Variants in FAXC observed in about 807,000 individuals in gnomAD.
FAXC encodes the protein failed axon connections homolog.
A neutral mutation model predicts 41.9 loss-of-function variants in FAXC; 10 were observed. The ratio of observed to expected loss-of-function variants is 0.24; its 90% CI spans 0.15 to 0.41. FAXC has a LOEUF of 0.41. Ranked by LOEUF, FAXC falls within the 10% of genes least tolerant of loss-of-function variation. FAXC has a pLI of 1.00. For synonymous variants in FAXC, 183 were observed against 183.8 expected (o/e 1.00, Z 0.03); for missense variants, 399 against 510.9 (o/e 0.78, Z 2.11).
At chr6:99,298,453 C>G (rs1562158715) in intron 4 of FAXC, among the ~76,000 whole-genome samples, 1 of 152,138 alleles carries the variant, frequency 6.6e-6, no homozygotes, top group East Asian at 1.9e-4. Flanking sequence ...ATCCAAGAAT[C>G]TGCATTTCTA....
At position 99,278,908 on chromosome 6, in the gene FAXC, AATC is replaced by A. The variant is rs1333421857; in HGVS notation, c.*2253_*2255del. The stretch of plus-strand genomic sequence containing the variant: ...ATATTAATCTACATTCTCATAACTT[AATC>A]ATCCTTTGAGAGAAAATACATCACA... On this transcript the variant is annotated 3_prime_UTR_variant, in exon 6 of 6. Coordinates refer to ENST00000389677, the MANE Select transcript of FAXC (RefSeq NM_032511.4). The A allele has an allele frequency of 6.6e-6, 1 of 152,234 alleles. No individual in the cohort carries two copies. Among genetic ancestry groups the A allele is most frequent in the Middle Eastern group, 3.2e-3 (1 of 316 alleles). 9.4% of individuals were successfully genotyped at this position (152,234 alleles called of 1,614,324 possible).
intron 4 of FAXC, among the ~76,000 whole-genome samples, chr6:99,306,612 A>G (rs955687339): frequency 3.9e-5 from 6 of 152,170 alleles, no homozygotes; most frequent in African/African-American, 1.4e-4. Flanking sequence ...TCCTGTTAAC[A>G]ACTGATACAT....
chr6:99,301,234 A>C (rs1216370327), intron 4 of FAXC, among the ~76,000 whole-genome samples: 1 of 152,242 alleles, frequency 6.6e-6, no homozygotes, highest in African/African-American at 2.4e-5. Context: ...AAACCTTCTC[A>C]AACCATACAC....
At chr6:99,317,402 C>T (rs549440641) in intron 4 of FAXC, among the ~76,000 whole-genome samples, 1 of 152,296 alleles carries the variant, frequency 6.6e-6, no homozygotes, top group South Asian at 2.1e-4. Context: ...CCTAATCAAA[C>T]GTACTTAAAA....
rs1287836767 is a variant in FAXC at position 99,281,096 on chromosome 6, C to T, written c.*68G>A. ...ATCTCCTCCCAGCTCGGATGGATTGCTACCTGGGAAAATGGACCGACCCAG... is the reference window on the plus strand; with the variant it reads ...ATCTCCTCCCAGCTCGGATGGATTGTTACCTGGGAAAATGGACCGACCCAG... On this transcript the variant is annotated 3_prime_UTR_variant, in exon 6 of 6. Transcript: ENST00000389677. The T allele has an allele frequency of 3.9e-6, 3 of 777,708 alleles. No homozygotes were observed. The highest frequency in any genetic ancestry group is 1.7e-5 in the African/African-American group (1 of 59,090). 48.2% of individuals were successfully genotyped at this position (777,708 alleles called of 1,614,324 possible). A position where few individuals can be genotyped will look rare whatever the true frequency, so the allele number is the denominator to read the frequency against.
intron 4 of FAXC, among the ~76,000 whole-genome samples, chr6:99,300,884 G>A (rs1328566984): frequency 1.3e-5 from 2 of 152,182 alleles, no homozygotes; most frequent in African/African-American, 2.4e-5. Flanking sequence ...TAAGGAACTC[G>A]CCCATCTTTT....
chr6:99,307,013 G>A (rs1771949175), intron 4 of FAXC, among the ~76,000 whole-genome samples: 1 of 152,208 alleles, frequency 6.6e-6, no homozygotes, highest in Admixed American at 6.5e-5. Context: ...CCTGTCCTTT[G>A]TAGTTTAATA....
At chr6:99,318,304 C>CAAAAAAAAA (rs748610778) in intron 4 of FAXC, among the ~76,000 whole-genome samples, 2 of 104,040 alleles carry the variant, frequency 1.9e-5, no homozygotes, top group African/African-American at 6.2e-5. Flanking sequence ...CACACACACA[C>CAAAAAAAAA]ACAAAATAGA....
chr6:99,339,363 T>A, intron 2 of FAXC, among the ~76,000 whole-genome samples: 1 of 152,240 alleles, frequency 6.6e-6, no homozygotes, highest in East Asian at 1.9e-4. Context: ...CCTTTCTTTT[T>A]TTAAACTCCC....
intron 5 of FAXC, among the ~76,000 whole-genome samples, chr6:99,287,469 T>C (rs1771068859): frequency 6.6e-6 from 1 of 152,170 alleles, no homozygotes; most frequent in Non-Finnish European, 1.5e-5. Flanking sequence ...TATGCATACA[T>C]ATGTATATTC....
At chr6:99,283,300 T>A (rs1337491906) in intron 5 of FAXC, among the ~76,000 whole-genome samples, 2 of 152,236 alleles carry the variant, frequency 1.3e-5, no homozygotes, top group Non-Finnish European at 2.9e-5. Flanking sequence ...TGGTGTAACT[T>A]CTTTCAGTAT....
intron 1 of FAXC, among the ~76,000 whole-genome samples, chr6:99,348,827 T>TC (rs1408257944): frequency 6.6e-6 from 1 of 152,248 alleles, no homozygotes; most frequent in African/African-American, 2.4e-5. Context: ...TGCACTTAGA[T>TC]CCTCCTAAGG....
rs1173452913 is a variant in FAXC at position 99,278,479 on chromosome 6, C to A, written c.*2685G>T. ...AGAACTTGAACAAGAAGCCAGATGA[C>A]CAAAATGTCCCTTAACTTCTTATAG... On this transcript the variant is annotated 3_prime_UTR_variant, in exon 6 of 6. Coordinates refer to ENST00000389677, the MANE Select transcript of FAXC (RefSeq NM_032511.4). 4 of 152,200 alleles carry A rather than the reference C, an allele frequency of 2.6e-5. No individual in the cohort carries two copies. The highest frequency in any genetic ancestry group is 5.9e-5 in the Non-Finnish European group (4 of 68,034). The allele number at this position is 152,200 out of a possible 1,614,324, so 9.4% of individuals were successfully genotyped here. A position where few individuals can be genotyped will look rare whatever the true frequency, so the allele number is the denominator to read the frequency against.
At chr6:99,315,246 AAAAAAAAAAAAAAAAAC>A (rs923469700) in intron 4 of FAXC, among the ~76,000 whole-genome samples, 17 of 131,786 alleles carry the variant, frequency 1.3e-4, no homozygotes, top group African/African-American at 4.4e-4. Flanking sequence ...AAAAAAAAAA[AAAAAAAAAAAAAAAAAC>A]CAGTAAATGT....
At chr6:99,309,596 TC>T (rs1772079036) in intron 4 of FAXC, among the ~76,000 whole-genome samples, 1 of 152,030 alleles carries the variant, frequency 6.6e-6, no homozygotes, top group South Asian at 2.1e-4. Flanking sequence ...GGTCCCACAA[TC>T]CCCAGCTATT....
At chr6:99,330,670 T>C (rs1224736381) in intron 3 of FAXC, among the ~76,000 whole-genome samples, 3 of 152,222 alleles carry the variant, frequency 2.0e-5, no homozygotes, top group Admixed American at 1.3e-4. Flanking sequence ...ATTGAATCAA[T>C]TGAGTCAAAC....
chr6:99,294,717 G>T (rs1188773660), intron 4 of FAXC, among the ~76,000 whole-genome samples: 1 of 152,190 alleles, frequency 6.6e-6, no homozygotes, highest in Non-Finnish European at 1.5e-5. Context: ...AAATTTTGAA[G>T]TCTTGTAGAA....
intron 4 of FAXC, among the ~76,000 whole-genome samples, chr6:99,298,573 A>G (rs1295056942): frequency 6.6e-6 from 1 of 152,160 alleles, no homozygotes; most frequent in Non-Finnish European, 1.5e-5. Context: ...AGTCTTACCT[A>G]CGTGTAGGTC....
intron 1 of FAXC, among the ~76,000 whole-genome samples, chr6:99,347,491 A>G (rs1773645411): frequency 6.6e-6 from 1 of 152,144 alleles, no homozygotes. Context: ...GCTGAGGTAT[A>G]TAGTCCCCTA....
Sources: allele counts gnomAD v4.1 joint callset (sites outside exome capture counted in the v4.1 genomes callset), GRCh38; gene constraint gnomAD v4.1.1; transcripts MANE v1.5; gene names NCBI Gene and HGNC (gene_info 2026-07-23, HGNC 2026-07-21).